The following ZNF451 variants were observed in gnomAD, a reference collection of about 807,000 sequenced individuals.
ZNF451 encodes E3 SUMO-protein ligase ZNF451.
In ZNF451, 80 loss-of-function variants were observed where a neutral mutation model predicts 107.1. The observed-to-expected ratio is 0.75, with a 90% CI of 0.62 to 0.90. The LOEUF is 0.90. Among genes scored for constraint, ZNF451 ranks in the 40% least tolerant of loss-of-function variants. The pLI is 0.00. For synonymous variants in ZNF451, 362 were observed against 406.5 expected (o/e 0.89, Z 1.32); for missense variants, 1,107 against 1,236.2 (o/e 0.90, Z 1.57).
At chr6:57,135,261 A>G (rs1394613107) in intron 7 of ZNF451, among the ~76,000 whole-genome samples, 3 of 152,152 alleles carry the variant, frequency 2.0e-5, no homozygotes, top group Admixed American at 1.3e-4. Context: ...TTTTTGAGGA[A>G]TATAACTAGT....
chr6:57,112,342 G>A (rs1286493165), intron 3 of ZNF451, among the ~76,000 whole-genome samples: 3 of 152,196 alleles, frequency 2.0e-5, no homozygotes. Flanking sequence ...GTCAGATACC[G>A]TGATGATGTG....
chr6:57,152,974 G>T (rs1832419674), intron 12 of ZNF451, among the ~76,000 whole-genome samples: 1 of 152,134 alleles, frequency 6.6e-6, no homozygotes, highest in African/African-American at 2.4e-5. Context: ...AACAATCACT[G>T]TTGGCCTAGA....
chr6:57,116,883 T>G (rs1206851638), intron 3 of ZNF451: 5 of 151,402 alleles, frequency 3.3e-5, no homozygotes, highest in Admixed American at 2.6e-4. Context: ...GAGGATTGCT[T>G]GAGCCCCGGA....
chr6:57,099,384 G>A (rs1185708284), intron 3 of ZNF451: 4 of 704,386 alleles, frequency 5.7e-6, no homozygotes, highest in Admixed American at 4.3e-5. Context: ...AGCCTTAGAG[G>A]TGATATCTGA....
At chr6:57,118,449 G>T (rs964671583) in intron 3 of ZNF451, among the ~76,000 whole-genome samples, 1 of 152,164 alleles carries the variant, frequency 6.6e-6, no homozygotes, top group African/African-American at 2.4e-5. Context: ...TCTCGAGGTA[G>T]TATCTACATT....
chr6:57,114,573 C>T (rs923614573), intron 3 of ZNF451, among the ~76,000 whole-genome samples: 1 of 152,066 alleles, frequency 6.6e-6, no homozygotes, highest in Admixed American at 6.5e-5. Flanking sequence ...GTAACCCAAT[C>T]ATTATACATA....
Position 57,097,362 on chromosome 6 carries a change from C to A in ZNF451, c.106-1699C>A, listed in dbSNP as rs1032170431. Among the ~76,000 whole-genome samples, 8 of 152,154 alleles carry A rather than the reference C, an allele frequency of 5.3e-5. No homozygotes were observed. In the South Asian group the frequency reaches 1.7e-3, roughly 32 times the overall value. On this transcript the variant is annotated intron_variant, in intron 2 of 14. Coordinates refer to ENST00000370706, the MANE Select transcript of ZNF451 (RefSeq NM_001031623.3). ...ATGCCTATTCTAGGGAAGATCATTA[C>A]CTAGATCTCAGCTTCTGTCTCCAGC...
rs554002872 is a variant in ZNF451, at chr6:57,108,753, G to T, written c.186+9612G>T. The T allele has an allele frequency of 5.1e-6, 5 of 985,444 alleles. 1 individual carries two copies. In the African/African-American group the frequency reaches 8.7e-5, roughly 17 times the overall value. The allele number at this position is 985,444 out of a possible 1,614,324, so 61.0% of individuals were successfully genotyped here. ...TGTCATCTTCCTGCCTGGGAAGGCA[G>T]TAGAAGAAAGAATCTACATTTGTAT... On this transcript the variant is annotated intron_variant, in intron 3 of 14. Transcript: ENST00000370706.
chr6:57,110,422 G>A (rs144198196), intron 3 of ZNF451, among the ~76,000 whole-genome samples: 4 of 152,192 alleles, frequency 2.6e-5, no homozygotes, highest in East Asian at 3.9e-4. Flanking sequence ...TTTCTTTCCC[G>A]GAACTGAGCC....
chr6:57,121,288 A>C (rs1049516899), intron 3 of ZNF451, among the ~76,000 whole-genome samples: 1 of 152,104 alleles, frequency 6.6e-6, no homozygotes, highest in African/African-American at 2.4e-5. Flanking sequence ...CTGTAGTTTT[A>C]TAGTAAGTTT....
intron 14 of ZNF451, among the ~76,000 whole-genome samples, chr6:57,163,065 CTTAAG>C (rs1288215577): frequency 6.6e-6 from 1 of 152,154 alleles, no homozygotes; most frequent in Non-Finnish European, 1.5e-5. Flanking sequence ...TGGTGGTTCA[CTTAAG>C]TTAAGGAATA....
intron 3 of ZNF451, chr6:57,101,462 T>C (rs1013173044): frequency 5.2e-6 from 8 of 1,550,886 alleles, no homozygotes; most frequent in Non-Finnish European, 4.4e-6. Context: ...GGCCCCATTG[T>C]AGAAGCATTA....
At chr6:57,106,739 C>T (rs543554956) in intron 3 of ZNF451, 61 of 984,274 alleles carry the variant, frequency 6.2e-5, no homozygotes, top group Non-Finnish European at 7.0e-5. Context: ...TTGATTGTCT[C>T]ATCTGTATGC....
intron 14 of ZNF451, among the ~76,000 whole-genome samples, chr6:57,167,191 A>G (rs1430529038): frequency 6.6e-6 from 1 of 151,420 alleles, no homozygotes; most frequent in Non-Finnish European, 1.5e-5. Context: ...ATACACACAC[A>G]CACACACACA....
chr6:57,150,916 G>A, intron 11 of ZNF451, 54 bp downstream of exon 11: 1 of 1,603,486 alleles, frequency 6.2e-7, no homozygotes, highest in Non-Finnish European at 8.5e-7. Flanking sequence ...TTAGAATATA[G>A]TTCAGTTTAA....
chr6:57,163,359 C>T (rs1763751006), intron 14 of ZNF451, among the ~76,000 whole-genome samples: 1 of 142,544 alleles, frequency 7.0e-6, no homozygotes, highest in Non-Finnish European at 1.5e-5. Context: ...GGAGTAGGAT[C>T]ATGTTTTATT....
chr6:57,138,741 A>ATATATGTGTGTG (rs1365084616), intron 7 of ZNF451, among the ~76,000 whole-genome samples: 3 of 46,588 alleles, frequency 6.4e-5, no homozygotes, highest in African/African-American at 2.8e-4. Context: ...ATATATATAT[A>ATATATGTGTGTG]TGTGTGTGTG....
chr6:57,141,248 G>A lies in ZNF451; in HGVS notation c.703-54G>A, dbSNP rs186565181. ...AGGAAATTTTGAAAGTTTTTTTCAA[G>A]AACTTGAGTGTTTATTTTAGTTTTC... On this transcript the variant is annotated intron_variant, in intron 7 of 14. Coordinates refer to ENST00000370706, the MANE Select transcript of ZNF451 (RefSeq NM_001031623.3). The A allele has an allele frequency of 1.5e-3, 2,143 of 1,388,084 alleles. 2 individuals are homozygous for A. Among genetic ancestry groups the A allele is most frequent in the Non-Finnish European group, 1.9e-3 (1,981 of 1,050,808 alleles). 86.0% of individuals were successfully genotyped at this position (1,388,084 alleles called of 1,614,324 possible). A position where few individuals can be genotyped will look rare whatever the true frequency, so the allele number is the denominator to read the frequency against.
intron 3 of ZNF451, chr6:57,105,569 A>G (rs771214223): frequency 3.4e-4 from 337 of 985,256 alleles, no homozygotes; most frequent in Non-Finnish European, 4.0e-4. Flanking sequence ...CTGTTGATTC[A>G]TTTCAGAAGG....
Sources: gnomAD v4.1 joint callset for allele counts (sites outside exome capture counted in the v4.1 genomes callset) on GRCh38, gnomAD v4.1.1 for gene constraint, MANE v1.5 for transcripts, NCBI Gene and HGNC (gene_info 2026-07-23, HGNC 2026-07-21) for gene names.